The following CAPS2 variants were observed in gnomAD, a reference collection of about 807,000 sequenced individuals.
CAPS2 encodes the protein calcyphosine 2, also known as calcyphosin-2.
Under a neutral mutation model 86.5 loss-of-function variants are expected in CAPS2, and 98 were observed. That is an observed-to-expected ratio of 1.13 (90% CI 0.96 to 1.34). The LOEUF (loss-of-function observed/expected upper bound fraction) is 1.34, where lower values mean the gene tolerates loss of function less well. CAPS2 is among the 40% of genes most tolerant of loss of function. The probability of loss-of-function intolerance (pLI) is 0.00; values close to 1 mark genes in which losing one functional copy is unlikely to be tolerated. For synonymous variants in CAPS2, 210 were observed against 225.1 expected (o/e 0.93, Z 0.60); for missense variants, 729 against 686.8 (o/e 1.06, Z -0.69).
intron 1 of CAPS2, among the ~76,000 whole-genome samples, chr12:75,367,694 A>G (rs1012252719): frequency 2.0e-5 from 3 of 152,090 alleles, no homozygotes; most frequent in Non-Finnish European, 4.4e-5. Context: ...TATTTCTGAC[A>G]GTTTATTGAT....
exon 17 of CAPS2, chr12:75,278,711 G>C: frequency 7.6e-7 from 1 of 1,318,840 alleles, no homozygotes; most frequent in Non-Finnish European, 9.6e-7. Context: ...TATCTTTCTG[G>C]ATAGTTCTCT....
intron 1 of CAPS2, among the ~76,000 whole-genome samples, chr12:75,372,429 G>GT (rs759592549): frequency 7.2e-5 from 11 of 152,174 alleles, no homozygotes; most frequent in Non-Finnish European, 1.3e-4. Flanking sequence ...CTAACCTCCA[G>GT]TTTAATAGAA....
chr12:75,302,225 C>T (rs1321576691), intron 8 of CAPS2, among the ~76,000 whole-genome samples: 3 of 152,108 alleles, frequency 2.0e-5, no homozygotes, highest in Non-Finnish European at 4.4e-5. Flanking sequence ...TAATTCTAAT[C>T]GATACCCCCA....
upstream of CAPS2, chr12:75,334,607 G>T (rs980632957): frequency 6.7e-7 from 1 of 1,481,852 alleles, no homozygotes; most frequent in Non-Finnish European, 8.9e-7. Context: ...CGCTGGGCTC[G>T]AGCCTGTGCG....
intron 1 of CAPS2, among the ~76,000 whole-genome samples, chr12:75,356,411 A>G (rs1482288350): frequency 6.6e-6 from 1 of 152,164 alleles, no homozygotes; most frequent in Non-Finnish European, 1.5e-5. Context: ...GTATTGTGAT[A>G]TTGTATATGT....
At chr12:75,366,368 C>G (rs565231187) in intron 1 of CAPS2, among the ~76,000 whole-genome samples, 3 of 152,040 alleles carry the variant, frequency 2.0e-5, no homozygotes, top group Non-Finnish European at 4.4e-5. Context: ...AGATTTAAAG[C>G]AGGCAGAAAA....
intron 1 of CAPS2, among the ~76,000 whole-genome samples, chr12:75,374,267 C>A (rs1008651971): frequency 6.6e-6 from 1 of 152,218 alleles, no homozygotes; most frequent in Non-Finnish European, 1.5e-5. Context: ...TCTAGACCCA[C>A]ACTCAAAACT....
intron 6 of CAPS2, among the ~76,000 whole-genome samples, chr12:75,314,191 A>G (rs1461780305): frequency 1.3e-5 from 2 of 152,310 alleles, no homozygotes; most frequent in East Asian, 3.9e-4. Context: ...AAGTGCTGGG[A>G]CTATAGGTAT....
At chr12:75,390,158 C>CT (rs1358413522) in intron 1 of CAPS2, among the ~76,000 whole-genome samples, 2 of 152,100 alleles carry the variant, frequency 1.3e-5, no homozygotes, top group Admixed American at 6.5e-5. Context: ...CTAATACTTG[C>CT]TTTTTTTCCA....
chr12:75,292,358 G>A (rs887875788), intron 12 of CAPS2, among the ~76,000 whole-genome samples: 5 of 152,010 alleles, frequency 3.3e-5, no homozygotes, highest in East Asian at 3.9e-4. Flanking sequence ...GAGCCGCTGC[G>A]CCTGGCCAAC....
chr12:75,308,394 A>C (rs1445682607), intron 7 of CAPS2, among the ~76,000 whole-genome samples: 2 of 152,214 alleles, frequency 1.3e-5, no homozygotes, highest in African/African-American at 4.8e-5. Context: ...AGGGTATTTA[A>C]GCCCCAGAAA....
intron 1 of CAPS2, among the ~76,000 whole-genome samples, chr12:75,357,887 T>C (rs1159555910): frequency 2.1e-5 from 3 of 144,818 alleles, no homozygotes; most frequent in Admixed American, 6.8e-5. Flanking sequence ...AGGCCCACAA[T>C]AGAAAAAAAA....
chr12:75,384,122 C>G (rs1398885304), intron 1 of CAPS2, among the ~76,000 whole-genome samples: 1 of 151,496 alleles, frequency 6.6e-6, no homozygotes, highest in Non-Finnish European at 1.5e-5. Context: ...AAAAAAAGAG[C>G]AAATTAAACC....
chr12:75,328,186 G>T, upstream of CAPS2, among the ~76,000 whole-genome samples: 1 of 152,218 alleles, frequency 6.6e-6, no homozygotes, highest in East Asian at 1.9e-4. Context: ...GCCAGGGTTG[G>T]GTTGGTTGTT....
chr12:75,289,370 G>T (rs2035454466), intron 14 of CAPS2, among the ~76,000 whole-genome samples: 1 of 152,078 alleles, frequency 6.6e-6, no homozygotes, highest in South Asian at 2.1e-4. Flanking sequence ...TTCAATTATG[G>T]TGATCTTGAC....
At chr12:75,333,433 TAC>T (rs746953826), upstream of CAPS2, among the ~76,000 whole-genome samples, 1 of 151,734 alleles carries the variant, frequency 6.6e-6, no homozygotes, top group Non-Finnish European at 1.5e-5. Flanking sequence ...TCTGTATACC[TAC>T]ACACACACAT....
chr12:75,342,897 AAATTT>A (rs1593685169), intron 1 of CAPS2, among the ~76,000 whole-genome samples: 1 of 152,040 alleles, frequency 6.6e-6, no homozygotes, highest in Admixed American at 6.5e-5. Context: ...ATCACTTATT[AAATTT>A]ATTTATACAT....
intron 1 of CAPS2, among the ~76,000 whole-genome samples, chr12:75,372,178 C>G (rs190484290): frequency 6.6e-6 from 1 of 152,074 alleles, no homozygotes; most frequent in Non-Finnish European, 1.5e-5. Context: ...CTGCACCCAG[C>G]TAATTTTTGT....
chr12:75,388,829 A>C (rs2045424681), intron 1 of CAPS2, among the ~76,000 whole-genome samples: 1 of 152,182 alleles, frequency 6.6e-6, no homozygotes, highest in Non-Finnish European at 1.5e-5. Flanking sequence ...CATCAGTTGT[A>C]AATGTACTAC....
Sources: allele counts gnomAD v4.1 joint callset (sites outside exome capture counted in the v4.1 genomes callset), GRCh38; gene constraint gnomAD v4.1.1; transcripts MANE v1.5; gene names NCBI Gene and HGNC (gene_info 2026-07-23, HGNC 2026-07-21).